The following AMBRA1 variants were observed in gnomAD, a reference collection of about 807,000 sequenced individuals.
The protein encoded by AMBRA1 is autophagy and beclin 1 regulator 1.
In AMBRA1, 47 loss-of-function variants were observed where a neutral mutation model predicts 125.4. That is an observed-to-expected ratio of 0.37 (90% CI 0.30 to 0.48). The LOEUF (loss-of-function observed/expected upper bound fraction) is 0.48. Among genes scored for constraint, AMBRA1 ranks in the 20% least tolerant of loss-of-function variants. The pLI is 0.99. For synonymous variants in AMBRA1, 626 were observed against 655.5 expected (o/e 0.95, Z 0.69); for missense variants, 1,331 against 1,693.4 (o/e 0.79, Z 3.76).
At chr11:46,525,096 T>A (rs1259399551) in intron 7 of AMBRA1, among the ~76,000 whole-genome samples, 2 of 151,876 alleles carry the variant, frequency 1.3e-5, no homozygotes, top group African/African-American at 4.8e-5. Context: ...GCCCAGGAGT[T>A]CGAGACCAGC....
At chr11:46,559,022 C>T (rs942287799) in intron 1 of AMBRA1, among the ~76,000 whole-genome samples, 1 of 152,092 alleles carries the variant, frequency 6.6e-6, no homozygotes, top group Non-Finnish European at 1.5e-5. Flanking sequence ...AAACCTAAGC[C>T]GGGTGCAGTG....
At chr11:46,417,873 C>A in intron 15 of AMBRA1, 40 bp downstream of exon 15, 2 of 1,563,504 alleles carry the variant, frequency 1.3e-6, no homozygotes, top group Middle Eastern at 1.7e-4. Flanking sequence ...CAGTCCTCGG[C>A]CCCAGTGATC....
intron 14 of AMBRA1, chr11:46,429,201 C>T (rs867316618): frequency 7.0e-7 from 1 of 1,424,564 alleles, no homozygotes; most frequent in Non-Finnish European, 9.6e-7. Flanking sequence ...CTCCCTCGGA[C>T]AATCTTCGCC....
At chr11:46,547,782 T>C (rs925640207) in intron 3 of AMBRA1, 35 bp downstream of exon 3, 2 of 1,587,458 alleles carry the variant, frequency 1.3e-6, no homozygotes, top group African/African-American at 1.4e-5. Flanking sequence ...AGCACTGTTA[T>C]CACAAATCTT....
chr11:46,432,714 T>C (rs986147073), intron 14 of AMBRA1, among the ~76,000 whole-genome samples: 2 of 152,316 alleles, frequency 1.3e-5, no homozygotes, highest in Admixed American at 6.5e-5. Flanking sequence ...CATCCAACTA[T>C]AAATGGTACA....
chr11:46,425,324 G>GTGTT (rs1425523586), intron 14 of AMBRA1, among the ~76,000 whole-genome samples: 1 of 148,988 alleles, frequency 6.7e-6, no homozygotes, highest in Non-Finnish European at 1.5e-5. Context: ...GTGTGTGTGT[G>GTGTT]TGTGTGTGTG....
intron 1 of AMBRA1, among the ~76,000 whole-genome samples, chr11:46,566,277 C>T (rs922873544): frequency 6.6e-6 from 1 of 152,004 alleles, no homozygotes; most frequent in African/African-American, 2.4e-5. Context: ...AACTAGCTGG[C>T]CATGGTGGCG....
intron 1 of AMBRA1, among the ~76,000 whole-genome samples, chr11:46,569,439 A>AT (rs1565308193): frequency 1.1e-3 from 152 of 134,508 alleles, no homozygotes; most frequent in Admixed American, 2.6e-3. Flanking sequence ...AAAAAAAAAA[A>AT]AATATATATA....
chr11:46,585,962 C>T (rs1292467285), intron 1 of AMBRA1, among the ~76,000 whole-genome samples: 7 of 150,924 alleles, frequency 4.6e-5, no homozygotes, highest in Non-Finnish European at 8.8e-5. Context: ...TGCACCACCA[C>T]ACCCAGCTAA....
intron 14 of AMBRA1, among the ~76,000 whole-genome samples, chr11:46,419,993 A>ACACACACACAC (rs1189328993): frequency 5.4e-4 from 2 of 3,728 alleles, no homozygotes; most frequent in African/African-American, 1.5e-3. Context: ...ACGTGTCCTC[A>ACACACACACAC]ATACACACAC....
At chr11:46,546,037 T>C (rs977434401) in intron 4 of AMBRA1, 15 of 206,640 alleles carry the variant, frequency 7.3e-5, no homozygotes, top group East Asian at 1.1e-4. Flanking sequence ...CTATTTCTTT[T>C]TTTTTTTTTT....
At chr11:46,467,219 T>C (rs1949366273) in intron 11 of AMBRA1, among the ~76,000 whole-genome samples, 1 of 152,100 alleles carries the variant, frequency 6.6e-6, no homozygotes, top group African/African-American at 2.4e-5. Flanking sequence ...ACTAGGCCTA[T>C]AACTGATTTT....
chr11:46,508,269 C>T lies in AMBRA1; in HGVS notation c.2261G>A (p.Arg754His), dbSNP rs368178943. ...TGAGGAAGAGGAGGAGGTGGAAGAA[C>T]GGAGACGGTTCTGTTGGTAGCGCAT... ...RSMRYQQNRLRSSTSSSSSDN... is the reference protein window; with the variant it reads ...RSMRYQQNRLHSSTSSSSSDN... Residue 754 changes from arginine to histidine, a missense_variant, in exon 9 of 18, where the codon CGT (arginine) becomes CAT (histidine). Coordinates refer to ENST00000683756, the MANE Select transcript of AMBRA1 (RefSeq NM_001387011.1). The T allele has an allele frequency of 7.4e-6, 12 of 1,614,096 alleles. No individual in the cohort carries two copies. The African/African-American group carries it at 1.1e-4, about 14-fold the overall frequency.
At chr11:46,510,984 C>T (rs1458551443) in intron 8 of AMBRA1, among the ~76,000 whole-genome samples, 1 of 152,070 alleles carries the variant, frequency 6.6e-6, no homozygotes, top group Non-Finnish European at 1.5e-5. Context: ...ACTTCCTTTT[C>T]CAAAAAAACC....
rs151127162 is a variant in AMBRA1, at chr11:46,504,986, T to C, written c.2339+3205A>G. 6.3e-3 allele frequency among the ~76,000 whole-genome samples: 952 copies of C among 152,230 alleles called. 13 individuals carry two copies. The highest frequency in any genetic ancestry group is 0.022 in the African/African-American group (909 of 41,546). On this transcript the variant is annotated intron_variant, in intron 9 of 17. Transcript: ENST00000683756. ...CAACTGGATGTGACAAGCCCAAAAA[T>C]GGCAAAATGATCTATGACTTAGCAA...
chr11:46,580,798 A>G (rs990591295), intron 1 of AMBRA1, among the ~76,000 whole-genome samples: 2 of 151,790 alleles, frequency 1.3e-5, no homozygotes, highest in East Asian at 3.9e-4. Flanking sequence ...TGCTGTTGTT[A>G]TTGTTGTTTT....
intron 12 of AMBRA1, 108 bp downstream of exon 12, chr11:46,443,380 A>T (rs1948113517): frequency 1.2e-6 from 1 of 820,004 alleles, no homozygotes; most frequent in African/African-American, 1.7e-5. Flanking sequence ...TGTAGATAAC[A>T]ACTGCTCAAT....
chr11:46,455,740 T>A (rs1948821011), intron 11 of AMBRA1, among the ~76,000 whole-genome samples: 1 of 152,236 alleles, frequency 6.6e-6, no homozygotes, highest in South Asian at 2.1e-4. Flanking sequence ...TCAATCACAT[T>A]GCCTTGAACG....
intron 11 of AMBRA1, among the ~76,000 whole-genome samples, chr11:46,471,425 A>C (rs562947498): frequency 6.6e-6 from 1 of 151,868 alleles, no homozygotes; most frequent in African/African-American, 2.4e-5. Context: ...AAAAATACAA[A>C]AAATTAGCTG....
Sources: allele counts gnomAD v4.1 joint callset (sites outside exome capture counted in the v4.1 genomes callset), GRCh38; gene constraint gnomAD v4.1.1; transcripts MANE v1.5; gene names NCBI Gene and HGNC (gene_info 2026-07-23, HGNC 2026-07-21).